Variants in NKAIN3 observed in about 807,000 individuals in gnomAD.
The protein encoded by NKAIN3 is sodium/potassium-transporting ATPase subunit beta-1-interacting protein 3.
In NKAIN3, 25 loss-of-function variants were observed where a neutral mutation model predicts 30.2. The ratio of observed to expected loss-of-function variants is 0.83; its 90% CI spans 0.60 to 1.16. NKAIN3 has a LOEUF of 1.16. Ranked by LOEUF, NKAIN3 falls within the 50% of genes most tolerant of loss-of-function variation. The pLI is 0.00. For missense variants in NKAIN3, 225 were observed against 254.1 expected (o/e 0.89, Z 0.78); for synonymous variants, 91 against 89.6 (o/e 1.02, Z -0.09).
chr8:62,698,642 A>G (rs1814238698), intron 3 of NKAIN3, among the ~76,000 whole-genome samples: 1 of 152,214 alleles, frequency 6.6e-6, no homozygotes, highest in African/African-American at 2.4e-5. Context: ...GTAGGACCTC[A>G]TTCTTTTCCA....
intron 1 of NKAIN3, among the ~76,000 whole-genome samples, chr8:62,262,463 G>A (rs1812471713): frequency 6.6e-6 from 1 of 152,166 alleles, no homozygotes; most frequent in South Asian, 2.1e-4. Context: ...CTCCGTAAAA[G>A]TTTAAGCCAC....
At chr8:62,936,887 T>A (rs902491465) in intron 5 of NKAIN3, among the ~76,000 whole-genome samples, 19 of 152,274 alleles carry the variant, frequency 1.2e-4, no homozygotes, top group African/African-American at 4.6e-4. Context: ...AAGTTTTTAA[T>A]TTGTATAGTT....
intron 1 of NKAIN3, among the ~76,000 whole-genome samples, chr8:62,556,114 G>A (rs563852921): frequency 5.3e-5 from 8 of 152,062 alleles, no homozygotes; most frequent in Admixed American, 1.3e-4. Flanking sequence ...GAACAAGGAA[G>A]TGGTGTATAT....
At chr8:62,489,352 C>T (rs1397663762) in intron 1 of NKAIN3, among the ~76,000 whole-genome samples, 1 of 152,092 alleles carries the variant, frequency 6.6e-6, no homozygotes, top group Non-Finnish European at 1.5e-5. Context: ...CAATCATAGC[C>T]ATTAAATGAA....
At chr8:62,862,385 TA>T (rs2130789229) in intron 4 of NKAIN3, among the ~76,000 whole-genome samples, 2 of 152,118 alleles carry the variant, frequency 1.3e-5, no homozygotes, top group East Asian at 3.9e-4. Flanking sequence ...TATTTGTAGG[TA>T]AAACAAAGTG....
chr8:62,469,044 C>T (rs567990960), intron 1 of NKAIN3, among the ~76,000 whole-genome samples: 4 of 152,168 alleles, frequency 2.6e-5, no homozygotes, highest in Admixed American at 6.5e-5. Flanking sequence ...CCTCCTCTGG[C>T]CTGTCACCTG....
chr8:62,529,124 T>A (rs529974321), intron 1 of NKAIN3, among the ~76,000 whole-genome samples: 1 of 152,296 alleles, frequency 6.6e-6, no homozygotes, highest in Non-Finnish European at 1.5e-5. Flanking sequence ...TGGGCATATC[T>A]AGAGCTGAAT....
At chr8:62,959,158 A>G (rs1823498829) in intron 6 of NKAIN3, among the ~76,000 whole-genome samples, 1 of 152,172 alleles carries the variant, frequency 6.6e-6, no homozygotes, top group South Asian at 2.1e-4. Context: ...GCAACTAGGT[A>G]CTAGAAGACA....
downstream of NKAIN3, among the ~76,000 whole-genome samples, chr8:62,985,188 C>T (rs533973040): frequency 6.6e-6 from 1 of 152,306 alleles, no homozygotes; most frequent in South Asian, 2.1e-4. Context: ...CCCACCAATG[C>T]CCCTGACTCC....
intron 1 of NKAIN3, among the ~76,000 whole-genome samples, chr8:62,455,262 C>T (rs1563406435): frequency 6.6e-6 from 1 of 152,190 alleles, no homozygotes; most frequent in Non-Finnish European, 1.5e-5. Flanking sequence ...CACATAGAAT[C>T]AACCAAGGCA....
chr8:62,802,184 G>GA (rs1431802963), intron 4 of NKAIN3, among the ~76,000 whole-genome samples: 3 of 152,180 alleles, frequency 2.0e-5, no homozygotes, highest in African/African-American at 7.2e-5. Flanking sequence ...AAACAAGTTG[G>GA]AAAACACAGT....
chr8:62,534,668 A>G (rs2129858287), intron 1 of NKAIN3, among the ~76,000 whole-genome samples: 1 of 152,210 alleles, frequency 6.6e-6, no homozygotes, highest in Middle Eastern at 3.4e-3. Flanking sequence ...TCCTTCTGTA[A>G]ATCTGGAGTA....
At chr8:62,422,717 T>C (rs376691821) in intron 1 of NKAIN3, among the ~76,000 whole-genome samples, 4 of 152,128 alleles carry the variant, frequency 2.6e-5, no homozygotes, top group East Asian at 1.9e-4. Flanking sequence ...TATAGGTGTT[T>C]ACTGTATTCC....
chr8:62,995,864 C>G (rs1804101349), intron 5 of NKAIN3, among the ~76,000 whole-genome samples: 1 of 152,158 alleles, frequency 6.6e-6, no homozygotes, highest in South Asian at 2.1e-4. Context: ...CAAACAGCAG[C>G]ATCAGCATCA....
intron 1 of NKAIN3, among the ~76,000 whole-genome samples, chr8:62,382,014 A>G (rs1032655400): frequency 2.0e-5 from 3 of 152,108 alleles, no homozygotes; most frequent in Admixed American, 6.6e-5. Flanking sequence ...GTGGGCTAGC[A>G]TGTTGTTTTA....
At chr8:62,590,391 G>A (rs1177984419) in intron 3 of NKAIN3, among the ~76,000 whole-genome samples, 2 of 151,804 alleles carry the variant, frequency 1.3e-5, no homozygotes, top group Non-Finnish European at 2.9e-5. Flanking sequence ...GTCTAGAACT[G>A]TCAGCAAAGC....
chr8:62,595,383 T>TTTTC (rs1554551937), intron 3 of NKAIN3, among the ~76,000 whole-genome samples: 4 of 7,248 alleles, frequency 5.5e-4, no homozygotes, highest in African/African-American at 1.0e-3. Context: ...GGCTATTTTC[T>TTTTC]TTTTTTTTTT....
intron 4 of NKAIN3, among the ~76,000 whole-genome samples, chr8:62,889,285 G>T (rs1349961408): frequency 3.3e-5 from 5 of 152,158 alleles, no homozygotes; most frequent in Admixed American, 6.5e-5. Flanking sequence ...CAGGAGAATT[G>T]CTTGAACCTG....
intron 1 of NKAIN3, among the ~76,000 whole-genome samples, chr8:62,328,124 G>T (rs1374336833): frequency 6.6e-6 from 1 of 151,878 alleles, no homozygotes; most frequent in Admixed American, 6.6e-5. Context: ...TATCAATTTT[G>T]TACCTGTGGG....
Sources: gnomAD v4.1 joint callset for allele counts (sites outside exome capture counted in the v4.1 genomes callset) on GRCh38, gnomAD v4.1.1 for gene constraint, MANE v1.5 for transcripts, NCBI Gene and HGNC (gene_info 2026-07-23, HGNC 2026-07-21) for gene names.